TEX11: variants seen among roughly 807,000 people sequenced by gnomAD.
TEX11 encodes the protein testis-expressed protein 11.
Under a neutral mutation model 84.4 loss-of-function variants are expected in TEX11, and 7 were observed. That is an observed-to-expected ratio of 0.08 (90% CI 0.05 to 0.16). The LOEUF (loss-of-function observed/expected upper bound fraction) is 0.16. Ranked by LOEUF, TEX11 falls within the 10% of genes least tolerant of loss-of-function variation. TEX11 has a pLI of 1.00. For synonymous variants in TEX11, 264 were observed against 222.8 expected (o/e 1.18, Z -1.64); for missense variants, 551 against 660.5 (o/e 0.83, Z 1.82).
intron 13 of TEX11, among the ~76,000 whole-genome samples, chrX:70,715,070 A>G (rs1055481418): frequency 1.2e-4 from 13 of 111,592 alleles, no homozygotes; most frequent in African/African-American, 3.6e-4. Flanking sequence ...TTGGCTGGAC[A>G]TGAAATTCTG....
Position 70,623,954 on chromosome X carries a change from C to A in TEX11, c.1747G>T (p.Asp583Tyr). 1 of 1,202,738 alleles carries A rather than the reference C, an allele frequency of 8.3e-7. No homozygotes were observed. Among genetic ancestry groups the A allele is most frequent in the South Asian group, 1.8e-5 (1 of 55,107 alleles). Residue 583 changes from aspartate (D) to tyrosine (Y), a missense_variant, in exon 20 of 30, where the codon GAT becomes TAT. Physicochemically the swap from Asp to Tyr is radical, Grantham distance 160 (BLOSUM62 -3). Coordinates refer to ENST00000374333, the MANE Select transcript of TEX11 (RefSeq NM_031276.3). ...PKIAEMPESE[D>Y]KKKEMDRLLT... ...ATTTTTGTTGAAATAACTCACTTATCTTCAGATTCCGGCATTTCAGCAATT... is the reference window on the plus strand; with the variant it reads ...ATTTTTGTTGAAATAACTCACTTATATTCAGATTCCGGCATTTCAGCAATT...
At chrX:70,823,083 T>C (rs2091326746) in intron 8 of TEX11, among the ~76,000 whole-genome samples, 2 of 110,705 alleles carry the variant, frequency 1.8e-5, no homozygotes, top group South Asian at 7.7e-4. Context: ...GAAAAGGAAA[T>C]TGTCTCATTT....
chrX:70,725,159 C>A (rs1395457542), intron 12 of TEX11, 103 bp downstream of exon 12: 11 of 436,998 alleles, frequency 2.5e-5, no homozygotes, highest in Non-Finnish European at 4.0e-5. Flanking sequence ...TTCTCAGCCA[C>A]CATCAAATTA....
At chrX:70,875,660 G>C (rs1463120237) in intron 3 of TEX11, among the ~76,000 whole-genome samples, 2 of 110,011 alleles carry the variant, frequency 1.8e-5, no homozygotes, top group African/African-American at 6.6e-5. Context: ...TGAGGCAGAA[G>C]AATCACTTAA....
intron 2 of TEX11, among the ~76,000 whole-genome samples, chrX:70,903,036 C>T (rs902664576): frequency 8.9e-6 from 1 of 111,885 alleles, no homozygotes; most frequent in African/African-American, 3.2e-5. Flanking sequence ...ATCACTATCA[C>T]TGTCTTCCAC....
chrX:70,709,712 A>G (rs920600552), intron 13 of TEX11, among the ~76,000 whole-genome samples: 2 of 92,433 alleles, frequency 2.2e-5, no homozygotes, highest in Admixed American at 1.2e-4. Context: ...AACATTCAAC[A>G]GTGTGTTCAA....
chrX:70,790,368 G>A (rs1247007065), intron 9 of TEX11, among the ~76,000 whole-genome samples: 1 of 111,673 alleles, frequency 9.0e-6, no homozygotes, highest in Admixed American at 9.5e-5. Flanking sequence ...CCAAGCACCA[G>A]GACCAGCTCT....
intron 13 of TEX11, among the ~76,000 whole-genome samples, chrX:70,686,744 G>T (rs1192430024): frequency 3.7e-5 from 4 of 108,655 alleles, no homozygotes; most frequent in African/African-American, 1.3e-4. Flanking sequence ...TAGAATTTCA[G>T]ATAAACAAAA....
chrX:70,669,986 G>A (rs184157778), intron 16 of TEX11, among the ~76,000 whole-genome samples: 1 of 112,268 alleles, frequency 8.9e-6, no homozygotes, highest in Admixed American at 9.4e-5. Flanking sequence ...GTGAAAGAAT[G>A]GCCACTTCAT....
At chrX:70,518,001 T>C in the TEX11 span, among the ~76,000 whole-genome samples, 76 of 110,870 alleles carry the variant, frequency 6.9e-4, no homozygotes, top group Non-Finnish European at 1.1e-3. Context: ...ATCTATTTGA[T>C]TCTTCTCTCT....
Position 70,729,809 on chromosome X carries a change from C to T in TEX11, c.844-4466G>A, listed in dbSNP as rs779070423. 1.6e-4 allele frequency among the ~76,000 whole-genome samples: 18 copies of T among 110,641 alleles called. No individual in the cohort carries two copies. The South Asian group carries it at 3.1e-3, about 19-fold the overall frequency. ...ATTCAGATTCAGGAAATACAGAGAA[C>T]GCCACAAAGATATGCCTCGAGAAGA... is the stretch of plus-strand genomic sequence containing the variant. On this transcript the variant is annotated intron_variant, in intron 11 of 29. Transcript: ENST00000374333.
intron 13 of TEX11, among the ~76,000 whole-genome samples, chrX:70,703,468 A>G (rs191128025): frequency 1.8e-5 from 2 of 111,203 alleles, no homozygotes; most frequent in East Asian, 5.7e-4. Flanking sequence ...CCCTATCAGT[A>G]TACTACTTCC....
At chrX:70,681,249 C>T (rs1428515652) in intron 14 of TEX11, among the ~76,000 whole-genome samples, 2 of 112,499 alleles carry the variant, frequency 1.8e-5, no homozygotes, top group East Asian at 5.6e-4. Flanking sequence ...CTTAAAAATA[C>T]TCACATGAGA....
At chrX:70,750,886 CAA>C (rs2090812209) in intron 9 of TEX11, among the ~76,000 whole-genome samples, 1 of 71,884 alleles carries the variant, frequency 1.4e-5, no homozygotes, top group African/African-American at 5.0e-5. Context: ...CTAACCTGCA[CAA>C]TGTGCACATG....
downstream of TEX11, among the ~76,000 whole-genome samples, chrX:70,527,123 C>T (rs1042091907): frequency 2.1e-4 from 24 of 111,800 alleles, no homozygotes; most frequent in South Asian, 3.8e-4. Context: ...ATTTAGCAAC[C>T]ATCACAGTAC....
chrX:70,655,809 G>A (rs1160468773), intron 16 of TEX11, among the ~76,000 whole-genome samples: 2 of 110,690 alleles, frequency 1.8e-5, no homozygotes, highest in Non-Finnish European at 3.8e-5. Context: ...ACAGTTTGTA[G>A]TGCTTTGTTA....
intron 2 of TEX11, among the ~76,000 whole-genome samples, chrX:70,904,110 A>T (rs1393092810): frequency 9.4e-6 from 1 of 106,610 alleles, no homozygotes; most frequent in Non-Finnish European, 1.9e-5. Flanking sequence ...GTGAGCCACC[A>T]GGCCTGGCCT....
intron 24 of TEX11, among the ~76,000 whole-genome samples, chrX:70,595,744 T>A (rs947083359): frequency 9.0e-6 from 1 of 111,343 alleles, no homozygotes; most frequent in Non-Finnish European, 1.9e-5. Context: ...ATGAGATATA[T>A]AGAAACCAAA....
chrX:70,856,157 G>A (rs1427648684), intron 5 of TEX11, among the ~76,000 whole-genome samples: 1 of 111,191 alleles, frequency 9.0e-6, no homozygotes, highest in Non-Finnish European at 1.9e-5. Context: ...AACATAATAA[G>A]GTACATACAG....
Sources: allele counts gnomAD v4.1 joint callset (sites outside exome capture counted in the v4.1 genomes callset), GRCh38; gene constraint gnomAD v4.1.1; transcripts MANE v1.5; gene names NCBI Gene and HGNC (gene_info 2026-07-23, HGNC 2026-07-21).